The following ANKRD6 variants were observed in gnomAD, a reference collection of about 807,000 sequenced individuals.
The protein encoded by ANKRD6 is ankyrin repeat domain-containing protein 6.
In ANKRD6, 56 loss-of-function variants were observed where a neutral mutation model predicts 82.3. That is an observed-to-expected ratio of 0.68 (90% CI 0.55 to 0.85). The LOEUF (loss-of-function observed/expected upper bound fraction) is 0.85, where lower values mean the gene tolerates loss of function less well. Among genes scored for constraint, ANKRD6 ranks in the 40% least tolerant of loss-of-function variants. The probability of loss-of-function intolerance (pLI) is 0.00; values close to 1 mark genes in which losing one functional copy is unlikely to be tolerated. For missense variants in ANKRD6, 852 were observed against 907.6 expected (o/e 0.94, Z 0.79); for synonymous variants, 347 against 352.1 (o/e 0.99, Z 0.16).
intron 1 of ANKRD6, among the ~76,000 whole-genome samples, chr6:89,446,957 C>A (rs1438921074): frequency 1.3e-5 from 2 of 152,130 alleles, no homozygotes; most frequent in Non-Finnish European, 2.9e-5. Context: ...TTGTGAGTTT[C>A]CTGAGGGTTC....
intron 2 of ANKRD6, among the ~76,000 whole-genome samples, chr6:89,575,206 C>A: frequency 6.6e-6 from 1 of 152,164 alleles, no homozygotes; most frequent in Admixed American, 6.5e-5. Flanking sequence ...CTTGCTTTTA[C>A]GCAGAAAGGG....
At chr6:89,449,563 C>T (rs1021121687) in intron 1 of ANKRD6, among the ~76,000 whole-genome samples, 1 of 152,122 alleles carries the variant, frequency 6.6e-6, no homozygotes, top group African/African-American at 2.4e-5. Context: ...CCAAAATAAC[C>T]CTGCAAATAA....
chr6:89,529,696 C>G lies in ANKRD6; in HGVS notation c.-143-37138C>G, dbSNP rs138642505. Among the ~76,000 whole-genome samples, 93 of 152,278 alleles carry G rather than the reference C, an allele frequency of 6.1e-4. No individual in the cohort carries two copies. The East Asian group carries it at 9.1e-3, about 15-fold the overall frequency. ...CTAGCTTTTGATTTAAAGTGAGAGA[C>G]ATGAAACTTGTCCTTTCACTTAGAG... On this transcript the variant is annotated intron_variant, in intron 1 of 15. Coordinates refer to ENST00000339746, the MANE Select transcript of ANKRD6 (RefSeq NM_001242809.2).
At chr6:89,501,125 T>G (rs1239489045) in intron 1 of ANKRD6, among the ~76,000 whole-genome samples, 1 of 152,204 alleles carries the variant, frequency 6.6e-6, no homozygotes, top group Non-Finnish European at 1.5e-5. Flanking sequence ...TCAGAACATG[T>G]GATACTTGGG....
Position 89,546,454 on chromosome 6 carries a change from T to C in ANKRD6, c.-143-20380T>C, listed in dbSNP as rs530631239. Among the ~76,000 whole-genome samples, 534 of 132,824 alleles carry C rather than the reference T, an allele frequency of 4.0e-3. 8 individuals are homozygous for C. The highest frequency in any genetic ancestry group is 0.014 in the African/African-American group (488 of 34,904). The allele number at this position is 132,824 out of a possible 152,430, so 87.1% of individuals were successfully genotyped here. ...AGAAGGGCTGAAAGCAGTGTGATGATTGATTGATCGATTGATCGATTGATT... is the reference window on the plus strand; with the variant it reads ...AGAAGGGCTGAAAGCAGTGTGATGACTGATTGATCGATTGATCGATTGATT... On this transcript the variant is annotated intron_variant, in intron 1 of 15. Coordinates refer to ENST00000339746, the MANE Select transcript of ANKRD6 (RefSeq NM_001242809.2).
At chr6:89,559,012 A>G (rs1212699686) in intron 1 of ANKRD6, among the ~76,000 whole-genome samples, 1 of 152,198 alleles carries the variant, frequency 6.6e-6, no homozygotes. Flanking sequence ...TGTAGCATAA[A>G]ACCATAATTA....
At chr6:89,487,667 G>T (rs574884363) in intron 1 of ANKRD6, among the ~76,000 whole-genome samples, 1 of 152,092 alleles carries the variant, frequency 6.6e-6, no homozygotes, top group Non-Finnish European at 1.5e-5. Flanking sequence ...AAAGCATTTC[G>T]CCATCAAATG....
At chr6:89,625,877 C>T (rs754728145) in intron 13 of ANKRD6, among the ~76,000 whole-genome samples, 3 of 151,718 alleles carry the variant, frequency 2.0e-5, no homozygotes, top group Non-Finnish European at 2.9e-5. Flanking sequence ...GGGACTAAGG[C>T]GGACGCCACC....
chr6:89,469,903 T>C (rs1775253683), intron 1 of ANKRD6, among the ~76,000 whole-genome samples: 1 of 152,168 alleles, frequency 6.6e-6, no homozygotes, highest in Non-Finnish European at 1.5e-5. Context: ...AAACAACAGC[T>C]ACCCCAAACT....
intron 1 of ANKRD6, among the ~76,000 whole-genome samples, chr6:89,489,728 G>A (rs1406180181): frequency 5.3e-5 from 8 of 152,248 alleles, no homozygotes; most frequent in Non-Finnish European, 1.0e-4. Flanking sequence ...GTGGACTAGA[G>A]AATGGTGAGC....
intron 1 of ANKRD6, among the ~76,000 whole-genome samples, chr6:89,440,688 G>A (rs933642810): frequency 6.6e-6 from 1 of 152,118 alleles, no homozygotes; most frequent in South Asian, 2.1e-4. Context: ...ACTTGGGAGA[G>A]GCTAAGGTGG....
At chr6:89,502,815 A>T (rs1356227808) in intron 1 of ANKRD6, among the ~76,000 whole-genome samples, 1 of 152,168 alleles carries the variant, frequency 6.6e-6, no homozygotes, top group East Asian at 1.9e-4. Context: ...ATTTAAATTT[A>T]AAAATACAGA....
At position 89,476,208 on chromosome 6, in the gene ANKRD6, C is replaced by T. The variant is rs959921226; in HGVS notation, c.-144+42833C>T. On this transcript the variant is annotated intron_variant, in intron 1 of 15. Transcript: ENST00000339746. ...TTTGTTTTGTTTTGTTTTTTTAAGA[C>T]GGATTCTTGCTTTGTTGTCCAGACT... 4.6e-5 allele frequency among the ~76,000 whole-genome samples: 7 copies of T among 151,596 alleles called. No homozygotes were observed. In the South Asian group the frequency reaches 6.3e-4, roughly 14 times the overall value.
intron 1 of ANKRD6, among the ~76,000 whole-genome samples, chr6:89,516,202 G>A (rs1781187962): frequency 6.6e-6 from 1 of 152,228 alleles, no homozygotes; most frequent in African/African-American, 2.4e-5. Flanking sequence ...AGACTGAGTA[G>A]AGCAGATGGC....
At chr6:89,507,205 C>T (rs1169466930) in intron 1 of ANKRD6, among the ~76,000 whole-genome samples, 2 of 152,128 alleles carry the variant, frequency 1.3e-5, no homozygotes, top group Admixed American at 1.3e-4. Flanking sequence ...GTCTGTATTT[C>T]TGTTAAACAC....
intron 1 of ANKRD6, among the ~76,000 whole-genome samples, chr6:89,497,382 A>G (rs184426605): frequency 1.1e-4 from 16 of 152,258 alleles, no homozygotes. Flanking sequence ...CCTCCTGGTG[A>G]GTTCTGCTGC....
chr6:89,453,152 C>T (rs145399304), intron 1 of ANKRD6, among the ~76,000 whole-genome samples: 4 of 152,258 alleles, frequency 2.6e-5, no homozygotes, highest in Non-Finnish European at 5.9e-5. Context: ...TAACTACAGG[C>T]GGTTCTTGCT....
intron 14 of ANKRD6, 103 bp from the exon 15 acceptor site, chr6:89,629,007 TTA>T: frequency 7.8e-7 from 1 of 1,288,236 alleles, no homozygotes; most frequent in Non-Finnish European, 1.1e-6. Flanking sequence ...TCCTCAACTG[TTA>T]TAATTGAAAA....
intron 1 of ANKRD6, among the ~76,000 whole-genome samples, chr6:89,480,941 C>CAAAAAAA (rs372393432): frequency 0.085 from 7,859 of 92,900 alleles, 1,056 homozygotes; most frequent in East Asian, 0.4. Flanking sequence ...GACCCTGTCT[C>CAAAAAAA]AAAAAAAAAA....
Sources: gnomAD v4.1 joint callset for allele counts (sites outside exome capture counted in the v4.1 genomes callset) on GRCh38, gnomAD v4.1.1 for gene constraint, MANE v1.5 for transcripts, NCBI Gene and HGNC (gene_info 2026-07-23, HGNC 2026-07-21) for gene names.